Variants in NBN observed in about 807,000 individuals in gnomAD.
The protein encoded by NBN is Nijmegen breakage syndrome 1 (nibrin).
NBN carries 88 observed loss-of-function variants against 90.8 expected under a neutral mutation model. That is an observed-to-expected ratio of 0.97 (90% CI 0.82 to 1.16). The LOEUF (loss-of-function observed/expected upper bound fraction) is 1.16, where lower values mean the gene tolerates loss of function less well. Among genes scored for constraint, NBN ranks in the 50% most tolerant of loss-of-function variants. The probability of loss-of-function intolerance (pLI) is 0.00; values close to 1 mark genes in which losing one functional copy is unlikely to be tolerated. For synonymous variants in NBN, 328 were observed against 295.1 expected (o/e 1.11, Z -1.14); for missense variants, 894 against 869.6 (o/e 1.03, Z -0.35).
At chr8:89,966,297 G>C (rs540503978) in intron 7 of NBN, among the ~76,000 whole-genome samples, 1 of 152,262 alleles carries the variant, frequency 6.6e-6, no homozygotes, top group Non-Finnish European at 1.5e-5. Flanking sequence ...AGATGATAAT[G>C]ATTTATAGAA....
Position 89,933,477 on chromosome 8 carries a change from T to C in NBN, c.*2105A>G. 4.4e-6 allele frequency: 1 copy of C among 229,828 alleles called. No homozygotes were observed. The highest frequency in any genetic ancestry group is 8.6e-6 in the Non-Finnish European group (1 of 116,062). 14.2% of individuals were successfully genotyped at this position (229,828 alleles called of 1,614,324 possible). A position where few individuals can be genotyped will look rare whatever the true frequency, so the allele number is the denominator to read the frequency against. On this transcript the variant is annotated 3_prime_UTR_variant, in exon 16 of 16. Coordinates refer to ENST00000265433, the MANE Select transcript of NBN (RefSeq NM_002485.5). ...ACCAAACAGAAAGTCCAGAAACAGA[T>C]CCACCATTATGGTTAATTGATTTTT...
intron 14 of NBN, among the ~76,000 whole-genome samples, chr8:89,940,419 G>A (rs1563503326): frequency 6.6e-6 from 1 of 152,034 alleles, no homozygotes; most frequent in Non-Finnish European, 1.5e-5. Flanking sequence ...ATTGTGCCTG[G>A]CTGAATTCTG....
chr8:89,977,042 A>C (rs559207719), intron 5 of NBN, among the ~76,000 whole-genome samples: 2 of 152,186 alleles, frequency 1.3e-5, no homozygotes, highest in African/African-American at 2.4e-5. Context: ...CCTAACTGGC[A>C]TAACATTTAA....
rs767094704 is a variant in NBN at position 89,935,614 on chromosome 8, T to C, written c.2235-2A>G. On this transcript the variant is annotated splice_acceptor_variant, in intron 15 of 15. Transcript: ENST00000265433. LOFTEE classifies it high-confidence loss of function. ...CTCCTTTTTAAATAAGGATTGTATC[T>C]GCAAAGAAAGAAATGGGGTTAAATG... 6.2e-7 allele frequency: 1 copy of C among 1,607,746 alleles called. No individual in the cohort carries two copies. The highest frequency in any genetic ancestry group is 1.1e-5 in the South Asian group (1 of 90,988).
chr8:89,955,841 T>C (rs1203898643), intron 9 of NBN, among the ~76,000 whole-genome samples: 2 of 152,118 alleles, frequency 1.3e-5, no homozygotes, highest in Non-Finnish European at 2.9e-5. Flanking sequence ...GCATAGCCTA[T>C]TATAAGTTAA....
chr8:89,979,360 C>G (rs1475036206), intron 4 of NBN, among the ~76,000 whole-genome samples: 10 of 152,166 alleles, frequency 6.6e-5, no homozygotes. Flanking sequence ...AAGAATGGAA[C>G]CTGAAAGATA....
chr8:89,980,874 C>A lies in NBN; in HGVS notation c.340G>T (p.Val114Phe), dbSNP rs771034958. The change falls in exon 4 of 16, where the codon GTT becomes TTT. Residue 114 changes from valine (V) to phenylalanine (F), a missense_variant. Val to Phe is a conservative substitution (Grantham distance 50). Coordinates refer to ENST00000265433, the MANE Select transcript of NBN (RefSeq NM_002485.5). ...ACATCTAAACAAGAAGAGCATGCAA[C>A]CAAAGGCTCATACTCTATTCTGTAA... is the stretch of plus-strand genomic sequence containing the variant. ...SKFRIEYEPL[V>F]ACSSCLDVSG... 2 of 1,612,648 alleles carry A rather than the reference C, an allele frequency of 1.2e-6. No individual in the cohort carries two copies. Among genetic ancestry groups the A allele is most frequent in the Middle Eastern group, 1.7e-4 (1 of 6,054 alleles).
intron 6 of NBN, 42 bp from the exon 7 acceptor site, chr8:89,970,599 A>C (rs774002630): frequency 6.4e-7 from 1 of 1,566,082 alleles, no homozygotes; most frequent in South Asian, 1.1e-5. Context: ...AAATGTAGTA[A>C]TTTTTTGAAC....
At position 89,937,037 on chromosome 8, in the gene NBN, A is replaced by G. The variant is rs1809722346; in HGVS notation, c.2223T>C (p.Asp741=). The G allele has an allele frequency of 6.2e-7, 1 of 1,611,420 alleles. No homozygotes were observed. Among genetic ancestry groups the G allele is most frequent in the Non-Finnish European group, 8.5e-7 (1 of 1,178,220 alleles). The change falls in exon 15 of 16, where the codon GAT becomes GAC. Residue 741 remains aspartate (D), a synonymous_variant. Transcript: ENST00000265433. ...NQHAKEESLA[D]DLFRYNPYLK... is the part of the protein sequence containing the mutation. ...GAATCAAACTTTACCTAAAAAGATC[A>G]TCAGCAAGAGACTCTTCTTTTGCAT...
intron 14 of NBN, 96 bp from the exon 15 acceptor site, chr8:89,937,171 C>G: frequency 8.4e-7 from 1 of 1,193,158 alleles, no homozygotes. Flanking sequence ...TTAGAGATTT[C>G]CACATCCTGG....
intron 14 of NBN, among the ~76,000 whole-genome samples, chr8:89,941,112 T>C (rs985147830): frequency 1.3e-5 from 2 of 152,158 alleles, no homozygotes; most frequent in Non-Finnish European, 1.5e-5. Context: ...GAAAGGATAG[T>C]TATGTCTTAA....
chr8:89,970,249 C>G, intron 7 of NBN, 115 bp downstream of exon 7: 3 of 711,522 alleles, frequency 4.2e-6, no homozygotes, highest in Non-Finnish European at 6.4e-6. Context: ...GACTCCGTCT[C>G]AAAAAAAAAA....
At chr8:89,972,916 A>C (rs1811582058) in intron 5 of NBN, among the ~76,000 whole-genome samples, 1 of 152,222 alleles carries the variant, frequency 6.6e-6, no homozygotes, top group Non-Finnish European at 1.5e-5. Context: ...TGATTTTTAA[A>C]TTATCTACAG....
chr8:89,944,072 G>A (rs1810076291), intron 13 of NBN, among the ~76,000 whole-genome samples: 1 of 151,990 alleles, frequency 6.6e-6, no homozygotes, highest in African/African-American at 2.4e-5. Flanking sequence ...AAAACGCTAT[G>A]TCATTGATTT....
At chr8:89,952,969 A>G (rs149151592) in intron 11 of NBN, among the ~76,000 whole-genome samples, 2 of 152,176 alleles carry the variant, frequency 1.3e-5, no homozygotes, top group African/African-American at 4.8e-5. Flanking sequence ...TACACTTATC[A>G]TCATAGCCAA....
rs972661227 is a variant in NBN, at chr8:89,934,143, A to G, written c.*1439T>C. On this transcript the variant is annotated 3_prime_UTR_variant, in exon 16 of 16. Transcript: ENST00000265433. ...ATTCCTTAACTGTAAAATGGAGACC[A>G]TATGTTCCACCAGCTTCACTTGGTA... The G allele has an allele frequency of 4.3e-6, 1 of 230,778 alleles. No individual in the cohort carries two copies. Among genetic ancestry groups the G allele is most frequent in the Non-Finnish European group, 8.6e-6 (1 of 116,628 alleles). 14.3% of individuals were successfully genotyped at this position (230,778 alleles called of 1,614,324 possible).
intron 9 of NBN, among the ~76,000 whole-genome samples, 191 bp from the exon 10 acceptor site, chr8:89,955,746 G>A (rs1263985076): frequency 2.6e-5 from 4 of 152,092 alleles, no homozygotes; most frequent in African/African-American, 7.2e-5. Context: ...GTGGAAGGAT[G>A]ATACCTTACT....
chr8:89,936,609 C>T (rs1165713098), intron 15 of NBN, among the ~76,000 whole-genome samples: 5 of 152,078 alleles, frequency 3.3e-5, no homozygotes, highest in African/African-American at 1.2e-4. Context: ...TAAAACCTCC[C>T]ACAAAAACCT....
intron 9 of NBN, among the ~76,000 whole-genome samples, chr8:89,957,974 G>C (rs1810807019): frequency 6.6e-6 from 1 of 152,150 alleles, no homozygotes; most frequent in Non-Finnish European, 1.5e-5. Flanking sequence ...CCATAATGTA[G>C]AATCAGTGAG....
Sources: gnomAD v4.1 joint callset for allele counts (sites outside exome capture counted in the v4.1 genomes callset) on GRCh38, gnomAD v4.1.1 for gene constraint, MANE v1.5 for transcripts, NCBI Gene and HGNC (gene_info 2026-07-23, HGNC 2026-07-21) for gene names.